The following NRCAM variants were observed in gnomAD, a reference collection of about 807,000 sequenced individuals.
The protein encoded by NRCAM is NgCAM-related cell adhesion molecule.
A neutral mutation model predicts 156.5 loss-of-function variants in NRCAM; 83 were observed. The ratio of observed to expected loss-of-function variants is 0.53; its 90% confidence interval spans 0.44 to 0.64. The LOEUF is 0.64. Among genes scored for constraint, NRCAM ranks in the 30% least tolerant of loss-of-function variants. The pLI is 0.00. For missense variants in NRCAM, 1,417 were observed against 1,597.3 expected (o/e 0.89, Z 1.92); for synonymous variants, 538 against 563.9 (o/e 0.95, Z 0.65).
chr7:108,424,004 CCT>C (rs1813726642), intron 1 of NRCAM, among the ~76,000 whole-genome samples: 4 of 152,230 alleles, frequency 2.6e-5, no homozygotes, highest in Admixed American at 2.0e-4. Flanking sequence ...TGTGCTTCTC[CCT>C]CTCTTCCAAA....
chr7:108,308,278 G>A (rs1279710654), intron 3 of NRCAM, among the ~76,000 whole-genome samples: 3 of 152,148 alleles, frequency 2.0e-5, no homozygotes, highest in Non-Finnish European at 4.4e-5. Context: ...TAAAGTCTAT[G>A]GGTCACGAAT....
At chr7:108,290,602 T>C (rs901356585) in intron 3 of NRCAM, among the ~76,000 whole-genome samples, 1 of 152,200 alleles carries the variant, frequency 6.6e-6, no homozygotes, top group Non-Finnish European at 1.5e-5. Flanking sequence ...TATCTAAACA[T>C]TTCCGACAGA....
chr7:108,217,768 C>T (rs948615890), intron 11 of NRCAM, among the ~76,000 whole-genome samples: 1 of 152,136 alleles, frequency 6.6e-6, no homozygotes, highest in African/African-American at 2.4e-5. Flanking sequence ...ATGCCCATAC[C>T]CCACCAACTT....
intron 2 of NRCAM, among the ~76,000 whole-genome samples, chr7:108,325,500 T>C (rs956722935): frequency 5.3e-5 from 8 of 152,162 alleles, no homozygotes; most frequent in Admixed American, 2.6e-4. Context: ...AGTATCTACG[T>C]TGCTTTCCCC....
chr7:108,308,767 G>T (rs1288070951), intron 3 of NRCAM, among the ~76,000 whole-genome samples: 2 of 152,178 alleles, frequency 1.3e-5, no homozygotes, highest in African/African-American at 4.8e-5. Flanking sequence ...AGCCCAGAGT[G>T]GTGGGAGTGG....
intron 7 of NRCAM, 65 bp from the exon 8 acceptor site, chr7:108,231,218 C>T (rs2094285750): frequency 1.7e-6 from 2 of 1,184,294 alleles, no homozygotes; most frequent in Non-Finnish European, 2.3e-6. Context: ...GAAAGCCCTA[C>T]AAATAAAGGC....
chr7:108,364,805 AG>A (rs1233003426), intron 2 of NRCAM, among the ~76,000 whole-genome samples: 1 of 115,848 alleles, frequency 8.6e-6, no homozygotes, highest in Non-Finnish European at 1.6e-5. Context: ...CAGAAACATA[AG>A]GTAGCTTAGT....
intron 3 of NRCAM, among the ~76,000 whole-genome samples, chr7:108,250,244 C>T (rs751196182): frequency 1.3e-5 from 2 of 151,938 alleles, no homozygotes; most frequent in Admixed American, 6.6e-5. Context: ...CAAGGCAAAA[C>T]TCCATCTCCA....
At chr7:108,289,030 C>T (rs1035204) in intron 3 of NRCAM, among the ~76,000 whole-genome samples, 70,729 of 151,862 alleles carry the variant, frequency 0.47, 17,356 homozygotes, top group Non-Finnish European at 0.56. Flanking sequence ...GCTGAAACTT[C>T]GCTGAAACAA....
At chr7:108,407,566 C>T (rs1297608064) in intron 1 of NRCAM, among the ~76,000 whole-genome samples, 2 of 152,168 alleles carry the variant, frequency 1.3e-5, no homozygotes, top group African/African-American at 4.8e-5. Flanking sequence ...TATTTCTCAC[C>T]TTCTCCCATC....
At chr7:108,230,021 G>A (rs948322004) in intron 8 of NRCAM, among the ~76,000 whole-genome samples, 5 of 152,142 alleles carry the variant, frequency 3.3e-5, no homozygotes, top group Admixed American at 2.6e-4. Context: ...CCCATGTTAA[G>A]CCCTTAGTAA....
intron 3 of NRCAM, among the ~76,000 whole-genome samples, chr7:108,299,142 A>AAAGAAAGAAAGAAAGAAAGAAAGAAAG (rs1563164873): frequency 1.3e-5 from 1 of 78,632 alleles, no homozygotes; most frequent in African/African-American, 4.4e-5. Flanking sequence ...AAGAAAGAAA[A>AAAGAAAGAAAGAAAGAAAGAAAGAAAG]GAAAAGTAAA....
rs758201145 is a variant in NRCAM, at chr7:108,223,733, T to A, written c.882A>T (p.Ala294=). The change falls in exon 11 of 33, where the codon GCA becomes GCT. Residue 294 remains alanine, a synonymous_variant. Coordinates refer to ENST00000379028, the MANE Select transcript of NRCAM (RefSeq NM_001037132.4). ...AGAAAGTGTTAACTCACAGTCCTTCTGCAATGCACTCCAGTGAAAGCACAT... is the reference window on the plus strand; with the variant it reads ...AGAAAGTGTTAACTCACAGTCCTTCAGCAATGCACTCCAGTGAAAGCACAT... ...RGNVLSLECI[A]EGLPTPIIYW... 1.3e-6 allele frequency: 2 copies of A among 1,523,102 alleles called. No individual in the cohort carries two copies. Among genetic ancestry groups the A allele is most frequent in the Non-Finnish European group, 1.8e-6 (2 of 1,097,580 alleles). The allele number at this position is 1,523,102 out of a possible 1,614,324, so 94.3% of individuals were successfully genotyped here.
intron 1 of NRCAM, among the ~76,000 whole-genome samples, chr7:108,414,888 A>T (rs779530122): frequency 3.9e-5 from 6 of 152,274 alleles, no homozygotes; most frequent in Non-Finnish European, 8.8e-5. Context: ...AGAAGCAGGG[A>T]GAGCCTGAAG....
At chr7:108,348,975 G>A (rs1332156204) in intron 2 of NRCAM, among the ~76,000 whole-genome samples, 1 of 152,028 alleles carries the variant, frequency 6.6e-6, no homozygotes, top group Non-Finnish European at 1.5e-5. Context: ...TCAGGATGGG[G>A]GGGAATGTAT....
intron 2 of NRCAM, among the ~76,000 whole-genome samples, chr7:108,323,477 C>T (rs1036979270): frequency 6.6e-6 from 1 of 152,216 alleles, no homozygotes; most frequent in African/African-American, 2.4e-5. Flanking sequence ...TGTGTATTCA[C>T]CAAATCTCTT....
intron 1 of NRCAM, among the ~76,000 whole-genome samples, chr7:108,435,726 ACAT>A (rs1346590124): frequency 6.6e-6 from 1 of 152,232 alleles, no homozygotes; most frequent in Non-Finnish European, 1.5e-5. Flanking sequence ...ATAAACCTGC[ACAT>A]GTACCCCTGA....
intron 8 of NRCAM, among the ~76,000 whole-genome samples, chr7:108,229,517 T>C (rs2094003216): frequency 6.6e-6 from 1 of 152,214 alleles, no homozygotes; most frequent in Admixed American, 6.6e-5. Context: ...CTTCTTCTCA[T>C]CTGCTTTGCT....
chr7:108,418,096 A>G lies in NRCAM; in HGVS notation c.-331-18503T>C, dbSNP rs541627849. 2.5e-4 allele frequency among the ~76,000 whole-genome samples: 38 copies of G among 152,138 alleles called. 1 individual carries two copies. The highest frequency in any genetic ancestry group is 1.0e-4 in the Non-Finnish European group (7 of 68,018). ...CACAGAAGCAACACCTGTGACACGC[A>G]GACCAAGAAATGACTTCTAGGTGAC... On this transcript the variant is annotated intron_variant, in intron 1 of 32. Coordinates refer to ENST00000379028, the MANE Select transcript of NRCAM (RefSeq NM_001037132.4).
Sources: allele counts gnomAD v4.1 joint callset (sites outside exome capture counted in the v4.1 genomes callset), GRCh38; gene constraint gnomAD v4.1.1; transcripts MANE v1.5; gene names NCBI Gene and HGNC (gene_info 2026-07-23, HGNC 2026-07-21).